Variants in PRKDC observed in about 807,000 individuals in gnomAD.
PRKDC encodes the protein DNA-dependent protein kinase catalytic subunit.
A neutral mutation model predicts 486.9 loss-of-function variants in PRKDC; 82 were observed. That is an observed-to-expected ratio of 0.17 (90% confidence interval 0.14 to 0.20). The LOEUF is 0.20. Among genes scored for constraint, PRKDC ranks in the 10% least tolerant of loss-of-function variants. The pLI is 1.00. For synonymous variants in PRKDC, 1,895 were observed against 1,837.0 expected, an observed-to-expected ratio of 1.03 and a Z score of -0.81; for missense variants, 4,504 against 5,038.2, an observed-to-expected ratio of 0.89 and a Z score of 3.21.
intron 40 of PRKDC, among the ~76,000 whole-genome samples, chr8:47,868,768 T>C (rs142739362): frequency 7.9e-5 from 12 of 152,330 alleles, no homozygotes; most frequent in Admixed American, 2.6e-4. Context: ...AAAGAGGCAC[T>C]GAAGAAACTA....
chr8:47,793,352 G>T lies in PRKDC; in HGVS notation c.10670+938C>A, dbSNP rs2086915466. ...CTGCAACAGAAGCTGGGCCTCAGCT[G>T]GGCATGGTGGCTCACGCCTGTAATC... On this transcript the variant is annotated intron_variant, in intron 74 of 85. Transcript: ENST00000314191. Among the ~76,000 whole-genome samples, 2 of 152,206 alleles carry T rather than the reference G, an allele frequency of 1.3e-5. 1 individual carries two copies. The highest frequency in any genetic ancestry group is 4.1e-4 in the South Asian group (2 of 4,838).
At chr8:47,794,223 G>T in intron 74 of PRKDC, 67 bp downstream of exon 74, 1 of 1,306,494 alleles carries the variant, frequency 7.7e-7, no homozygotes, top group Non-Finnish European at 1.1e-6. Context: ...GTCCACGTGT[G>T]TGCTTTAACC....
intron 25 of PRKDC, among the ~76,000 whole-genome samples, chr8:47,906,036 A>C (rs1563796662): frequency 6.6e-6 from 1 of 152,330 alleles, no homozygotes; most frequent in East Asian, 1.9e-4. Context: ...CTACAGATCT[A>C]ACCCTCATTA....
At position 47,863,362 on chromosome 8, in the gene PRKDC, TAAATA is replaced by T. The variant is rs778701103; in HGVS notation, c.5750+32_5750+36del. Reference sequence around the variant, plus strand: ...AAAATATATGTACCCAAAGCATTGATAAATAAAATAGAATCCAAAATTAAGTAAAA... The same window carrying T: ...AAAATATATGTACCCAAAGCATTGATAAATAGAATCCAAAATTAAGTAAAA... On this transcript the variant is annotated intron_variant, in intron 42 of 85. Coordinates refer to ENST00000314191, the MANE Select transcript of PRKDC (RefSeq NM_006904.7). 1.1e-5 allele frequency: 16 copies of T among 1,496,292 alleles called. No individual in the cohort carries two copies. The South Asian group carries it at 1.6e-4, about 15-fold the overall frequency. The allele number at this position is 1,496,292 out of a possible 1,614,324, so 92.7% of individuals were successfully genotyped here. A position where few individuals can be genotyped will look rare whatever the true frequency, so the allele number is the denominator to read the frequency against.
At chr8:47,828,675 C>T (rs2087793831) in intron 61 of PRKDC, among the ~76,000 whole-genome samples, 1 of 152,214 alleles carries the variant, frequency 6.6e-6, no homozygotes, top group African/African-American at 2.4e-5. Context: ...CAGAACACAT[C>T]ACATTGGGCT....
chr8:47,792,887 A>G (rs1057288202), intron 74 of PRKDC, among the ~76,000 whole-genome samples: 14 of 152,340 alleles, frequency 9.2e-5, no homozygotes, highest in South Asian at 6.2e-4. Flanking sequence ...GTCACTTTTT[A>G]AAAAACAGGT....
chr8:47,960,097 G>GCAACGCA lies in PRKDC; in HGVS notation c.23_29dup (p.Ser11AlafsTer69), dbSNP rs1253727606. 1 of 1,524,816 alleles carries GCAACGCA rather than the reference G, an allele frequency of 6.6e-7. No individual in the cohort carries two copies. Among genetic ancestry groups the GCAACGCA allele is most frequent in the Non-Finnish European group, 8.8e-7 (1 of 1,141,846 alleles). The allele number at this position is 1,524,816 out of a possible 1,614,324, so 94.5% of individuals were successfully genotyped here. ...AGGTCTCCTGCAGCCGCAGCAGGGA[G>GCAACGCA]CAACGCACACCGGCTCCGGAGCCCG... is the stretch of plus-strand genomic sequence containing the variant. On this transcript the variant is annotated frameshift_variant, in exon 1 of 86. Coordinates refer to ENST00000314191, the MANE Select transcript of PRKDC (RefSeq NM_006904.7). LOFTEE classifies it high-confidence loss of function.
intron 55 of PRKDC, 53 bp from the exon 56 acceptor site, chr8:47,839,299 T>C (rs1452711658): frequency 8.1e-7 from 1 of 1,237,438 alleles, no homozygotes; most frequent in Non-Finnish European, 1.2e-6. Flanking sequence ...TTCTGGCCCT[T>C]TTGTTCAACT....
intron 54 of PRKDC, among the ~76,000 whole-genome samples, chr8:47,841,727 G>T (rs756320535): frequency 6.8e-4 from 103 of 152,336 alleles, no homozygotes; most frequent in African/African-American, 1.9e-3. Flanking sequence ...CACAAGGCTG[G>T]TCTGGGAAGG....
chr8:47,906,759 G>A (rs1482915014), intron 25 of PRKDC, among the ~76,000 whole-genome samples: 1 of 151,344 alleles, frequency 6.6e-6, no homozygotes, highest in Admixed American at 6.9e-5. Flanking sequence ...TATTCCCCAC[G>A]GTTATTGAGC....
chr8:47,928,357 T>G lies in PRKDC; in HGVS notation c.2140-467A>C, dbSNP rs892229385. Among the ~76,000 whole-genome samples the G allele has an allele frequency of 3.3e-5, 5 of 151,948 alleles. No individual in the cohort carries two copies. The East Asian group carries it at 7.8e-4, about 24-fold the overall frequency. On this transcript the variant is annotated intron_variant, in intron 19 of 85. Transcript: ENST00000314191. ...TAGTACAGATGGGATTTCGCCATGT[T>G]GGCCAGGCTGGTCTTGAACTCCTGC...
intron 48 of PRKDC, 140 bp downstream of exon 48, chr8:47,858,376 C>A (rs1432598538): frequency 5.3e-6 from 4 of 761,594 alleles, no homozygotes; most frequent in Non-Finnish European, 7.8e-6. Flanking sequence ...ACAAAAATGT[C>A]ATGCTCTGCC....
chr8:47,892,841 T>A (rs943349572), intron 31 of PRKDC, among the ~76,000 whole-genome samples: 1 of 152,248 alleles, frequency 6.6e-6, no homozygotes, highest in African/African-American at 2.4e-5. Context: ...ACAGTATTCA[T>A]TGTTCATGGA....
In PRKDC at chr8:47,886,023, G is replaced by A. The variant is rs775866201; in HGVS notation, c.4697C>T (p.Thr1566Met). ...ATTTTTCAATAATTCCGTGTTGATC[G>A]TTTCTGAGAACAAGCTATAGAAATA... Reference protein sequence around the residue: ...GEYFYSLFSETINTELLKNLD... With the variant: ...GEYFYSLFSEMINTELLKNLD... The change falls in exon 36 of 86, where the codon ACG becomes ATG. Residue 1566 changes from threonine to methionine, a missense_variant. This residue lies in a region of PRKDC where 1,969 missense variants were observed against 2,068.9 expected (regional missense o/e 0.95). Transcript: ENST00000314191. 15 of 1,613,738 alleles carry A rather than the reference G, an allele frequency of 9.3e-6. No homozygotes were observed. Among genetic ancestry groups the A allele is most frequent in the Non-Finnish European group, 1.2e-5 (14 of 1,179,866 alleles).
Position 47,879,657 on chromosome 8 carries a change from C to G in PRKDC, c.5069G>C (p.Gly1690Ala). The G allele has an allele frequency of 6.4e-7, 1 of 1,559,438 alleles. No homozygotes were observed. Among genetic ancestry groups the G allele is most frequent in the Non-Finnish European group, 8.6e-7 (1 of 1,158,714 alleles). ...ADTKLDLHLKGQAVTLLPFFT... is the reference protein window; with the variant it reads ...ADTKLDLHLKAQAVTLLPFFT... ...GAATGGAAGAAGAGTGACAGCTTGG[C>G]CCTGTGGAGCAAGACAGACATAAGA... The change falls in exon 39 of 86, where the codon GGC becomes GCC. Residue 1690 changes from glycine (G) to alanine (A), a missense_variant and splice_region_variant. Gly to Ala is a moderately conservative substitution (Grantham distance 60). This residue lies in a region of PRKDC where 1,969 missense variants were observed against 2,068.9 expected (regional missense o/e 0.95). Transcript: ENST00000314191.
Position 47,912,469 on chromosome 8 carries a change from A to G in PRKDC, c.2875T>C (p.Tyr959His). The G allele has an allele frequency of 6.2e-7, 1 of 1,612,856 alleles. No individual in the cohort carries two copies. Among genetic ancestry groups the G allele is most frequent in the South Asian group, 1.1e-5 (1 of 90,826 alleles). Reference protein sequence around the residue: ...PEGGQGAPPMYQLYKRTFPVL... With the variant: ...PEGGQGAPPMHQLYKRTFPVL... ...GGAAACGTCCGCTTATAGAGCTGGT[A>G]CATGGGTGGGGCTCCCTGTCCCCCT... is the stretch of plus-strand genomic sequence containing the variant. The change falls in exon 25 of 86, where the codon TAC becomes CAC. Residue 959 changes from tyrosine to histidine, a missense_variant. Coordinates refer to ENST00000314191, the MANE Select transcript of PRKDC (RefSeq NM_006904.7).
At chr8:47,792,344 C>T (rs1044014473) in intron 74 of PRKDC, among the ~76,000 whole-genome samples, 11 of 150,884 alleles carry the variant, frequency 7.3e-5, no homozygotes, top group Non-Finnish European at 1.2e-4. Context: ...CTGCAAGCTC[C>T]GCCTCCCGGG....
At chr8:47,941,140 A>T (rs1428659408) in intron 10 of PRKDC, among the ~76,000 whole-genome samples, 1 of 151,970 alleles carries the variant, frequency 6.6e-6, no homozygotes, top group South Asian at 2.1e-4. Context: ...AAAAAAAAAA[A>T]AAAACCAAAA....
chr8:47,778,188 G>A (rs186445405), intron 83 of PRKDC, among the ~76,000 whole-genome samples: 19 of 152,188 alleles, frequency 1.2e-4, no homozygotes, highest in African/African-American at 4.3e-4. Flanking sequence ...TTTTTATTAC[G>A]GGGCTTCCTA....
Sources: allele counts gnomAD v4.1 joint callset (sites outside exome capture counted in the v4.1 genomes callset), GRCh38; gene constraint gnomAD v4.1.1; regional missense constraint gnomAD v4.1.1; transcripts MANE v1.5; gene names NCBI Gene and HGNC (gene_info 2026-07-23, HGNC 2026-07-21).